The following PCDH7 variants were observed in gnomAD, a reference collection of about 807,000 sequenced individuals.
PCDH7 encodes protocadherin 7.
A neutral mutation model predicts 58.9 loss-of-function variants in PCDH7; 17 were observed. The ratio of observed to expected loss-of-function variants is 0.29; its 90% CI spans 0.20 to 0.43. PCDH7 has a LOEUF of 0.43. Among genes scored for constraint, PCDH7 ranks in the 20% least tolerant of loss-of-function variants. PCDH7 has a pLI of 1.00. For missense variants in PCDH7, 1,274 were observed against 1,441.0 expected, an observed-to-expected ratio of 0.88 and a Z score of 1.88; for synonymous variants, 664 against 616.4, an observed-to-expected ratio of 1.08 and a Z score of -1.14.
At chr4:30,931,542 C>G (rs1388026935) in intron 2 of PCDH7, among the ~76,000 whole-genome samples, 1 of 151,882 alleles carries the variant, frequency 6.6e-6, no homozygotes, top group Non-Finnish European at 1.5e-5. Context: ...CCATTGCACT[C>G]CAGCCTGGGC....
chr4:30,785,627 C>T (rs369090979), intron 1 of PCDH7, among the ~76,000 whole-genome samples: 21 of 151,984 alleles, frequency 1.4e-4, no homozygotes. Flanking sequence ...GTTCTCTAAA[C>T]GATTAATTTT....
At chr4:31,068,101 C>G (rs924675330) in intron 3 of PCDH7, among the ~76,000 whole-genome samples, 1 of 151,784 alleles carries the variant, frequency 6.6e-6, no homozygotes, top group Non-Finnish European at 1.5e-5. Flanking sequence ...ATATTTCTGG[C>G]GTTTTCTTAC....
chr4:31,027,011 T>TA (rs1754490161), intron 3 of PCDH7, among the ~76,000 whole-genome samples: 1 of 152,192 alleles, frequency 6.6e-6, no homozygotes, highest in African/African-American at 2.4e-5. Flanking sequence ...CTAAACTTTT[T>TA]AAAAAACTAA....
intron 3 of PCDH7, among the ~76,000 whole-genome samples, chr4:31,056,458 G>GAAGGAAGGA (rs1553932369): frequency 1.2e-5 from 1 of 83,156 alleles, no homozygotes; most frequent in African/African-American, 5.7e-5. Context: ...AAGAAAGAAA[G>GAAGGAAGGA]AAGAAAGAAA....
chr4:30,924,328 T>C (rs1194190536), intron 2 of PCDH7, among the ~76,000 whole-genome samples: 3 of 152,202 alleles, frequency 2.0e-5, no homozygotes, highest in African/African-American at 7.2e-5. Flanking sequence ...AGGAAATTGA[T>C]AAATCAACTC....
At chr4:30,877,711 G>A (rs183444318) in intron 1 of PCDH7, among the ~76,000 whole-genome samples, 4 of 152,062 alleles carry the variant, frequency 2.6e-5, no homozygotes, top group Admixed American at 2.6e-4. Context: ...TTTTATGCTG[G>A]TAACTACATG....
At chr4:30,979,070 C>G (rs1198222615) in intron 3 of PCDH7, among the ~76,000 whole-genome samples, 1 of 151,616 alleles carries the variant, frequency 6.6e-6, no homozygotes, top group Non-Finnish European at 1.5e-5. Context: ...AATGAGTGAT[C>G]CTTAAAAAAA....
chr4:30,742,027 G>T (rs1308500167), intron 1 of PCDH7, among the ~76,000 whole-genome samples: 1 of 152,150 alleles, frequency 6.6e-6, no homozygotes, highest in Non-Finnish European at 1.5e-5. Flanking sequence ...CCAGGAATAC[G>T]CTTGTGAGTC....
At chr4:31,037,678 T>C (rs1234463156) in intron 3 of PCDH7, among the ~76,000 whole-genome samples, 3 of 152,188 alleles carry the variant, frequency 2.0e-5, no homozygotes, top group African/African-American at 7.2e-5. Flanking sequence ...CTGAAAGCAA[T>C]CATTCTTTCA....
chr4:31,103,079 T>A (rs1392562192), intron 3 of PCDH7, among the ~76,000 whole-genome samples: 1 of 152,178 alleles, frequency 6.6e-6, no homozygotes, highest in Non-Finnish European at 1.5e-5. Flanking sequence ...GTTATAACCA[T>A]TTTCTGGTCA....
At chr4:30,968,533 C>T (rs1749257731) in intron 3 of PCDH7, among the ~76,000 whole-genome samples, 1 of 151,052 alleles carries the variant, frequency 6.6e-6, no homozygotes, top group Non-Finnish European at 1.5e-5. Flanking sequence ...TAAAATCATC[C>T]CTGAACTCCA....
chr4:30,983,708 A>G (rs1750752877), intron 3 of PCDH7, among the ~76,000 whole-genome samples: 2 of 152,342 alleles, frequency 1.3e-5, no homozygotes, highest in South Asian at 4.1e-4. Context: ...TCCTTGTAGA[A>G]TGGAAACATA....
chr4:30,741,577 T>C (rs1411275919), intron 1 of PCDH7, among the ~76,000 whole-genome samples: 1 of 152,190 alleles, frequency 6.6e-6, no homozygotes, highest in African/African-American at 2.4e-5. Flanking sequence ...AGGAACCCAG[T>C]CAATCCCCTG....
At chr4:31,058,228 A>G (rs1757413074) in intron 3 of PCDH7, among the ~76,000 whole-genome samples, 1 of 152,116 alleles carries the variant, frequency 6.6e-6, no homozygotes, top group African/African-American at 2.4e-5. Context: ...ACTTTCATCA[A>G]TTAATTCTGT....
Position 30,722,097 on chromosome 4 carries a change from G to T in PCDH7, c.675G>T (p.Arg225=). Reference sequence around the variant, plus strand: ...GCGGCTCGGGAGGCTCCAAGCGGCGGCTGGACGCATCAGAGGGCGGCGGCG... The same window carrying T: ...GCGGCTCGGGAGGCTCCAAGCGGCGTCTGGACGCATCAGAGGGCGGCGGCG... The change falls in exon 1 of 2, where the codon CGG becomes CGT. Residue 225 remains arginine, a synonymous_variant. Transcript: ENST00000361762. This position sits in a 1 kb window ranked among gnomAD's most constrained non-coding sequence, Gnocchi z 7.6. The T allele has an allele frequency of 1.5e-6, 2 of 1,356,866 alleles. No homozygotes were observed. The highest frequency in any genetic ancestry group is 1.9e-6 in the Non-Finnish European group (2 of 1,060,832). 84.1% of individuals were successfully genotyped at this position (1,356,866 alleles called of 1,614,324 possible). A position where few individuals can be genotyped will look rare whatever the true frequency, so the allele number is the denominator to read the frequency against.
rs530118306 is a variant in PCDH7 at position 31,101,042 on chromosome 4, G to GA, written c.*8-41423dup. Among the ~76,000 whole-genome samples the GA allele has an allele frequency of 2.0e-4, 31 of 151,534 alleles. No homozygotes were observed. In the East Asian group the frequency reaches 3.9e-3, roughly 19 times the overall value. The stretch of plus-strand genomic sequence containing the variant: ...TTACACAAAAGACTGCACAGGAGAG[G>GA]AAAAAAAATGTATTTGATTTTCCCA... On this transcript the variant is annotated intron_variant, in intron 3 of 3. Transcript: ENST00000509759.
chr4:30,721,137 T>C lies in PCDH7; in HGVS notation c.-286T>C, dbSNP rs999884650. 2.3e-6 allele frequency: 1 copy of C among 442,154 alleles called. No homozygotes were observed. The highest frequency in any genetic ancestry group is 4.0e-6 in the Non-Finnish European group (1 of 249,240). The allele number at this position is 442,154 out of a possible 1,614,324, so 27.4% of individuals were successfully genotyped here. A position where few individuals can be genotyped will look rare whatever the true frequency, so the allele number is the denominator to read the frequency against. The stretch of plus-strand genomic sequence containing the variant: ...TCCCGTGAACTGTGAGTACTGCGAC[T>C]GAACGGCGGCAGGCGAGCGGGCGAT... On this transcript the variant is annotated 5_prime_UTR_variant, in exon 1 of 2. Coordinates refer to ENST00000361762, the Ensembl canonical transcript of PCDH7. This position sits in a 1 kb window ranked among gnomAD's most constrained non-coding sequence, Gnocchi z 6.7.
intron 3 of PCDH7, among the ~76,000 whole-genome samples, chr4:31,056,520 G>GA (rs1560608957): frequency 2.0e-4 from 18 of 91,968 alleles, no homozygotes; most frequent in Admixed American, 5.9e-4. Context: ...AAAGAAAGGG[G>GA]AAGGGAAGGG....
chr4:31,038,047 G>A (rs1755557556), intron 3 of PCDH7, among the ~76,000 whole-genome samples: 1 of 152,248 alleles, frequency 6.6e-6, no homozygotes, highest in African/African-American at 2.4e-5. Flanking sequence ...CCCAGGCCAA[G>A]ACTCTGGAGA....
Sources: allele counts gnomAD v4.1 joint callset (sites outside exome capture counted in the v4.1 genomes callset), GRCh38; gene constraint gnomAD v4.1.1; non-coding constraint Gnocchi (gnomAD v3.1); transcripts MANE v1.5; gene names NCBI Gene and HGNC (gene_info 2026-07-23, HGNC 2026-07-21).